LMLN: variants seen among roughly 807,000 people sequenced by gnomAD.
LMLN encodes leishmanolysin like peptidase.
LMLN carries 70 observed loss-of-function variants against 92.3 expected under a neutral mutation model. The observed-to-expected ratio is 0.76, with a 90% CI of 0.63 to 0.92. LMLN has a LOEUF of 0.92. LMLN is among the 40% of genes least tolerant of loss of function. LMLN has a pLI of 0.00. For synonymous variants in LMLN, 308 were observed against 296.2 expected (o/e 1.04, Z -0.41); for missense variants, 691 against 814.6 (o/e 0.85, Z 1.85).
intron 7 of LMLN, 35 bp downstream of exon 7, chr3:197,984,083 C>A: frequency 7.6e-7 from 1 of 1,314,474 alleles, no homozygotes; most frequent in Non-Finnish European, 1.1e-6. Flanking sequence ...TCCTTCATGC[C>A]TTGATTTTCT....
chr3:198,020,598 A>T (rs1053203671), intron 12 of LMLN, among the ~76,000 whole-genome samples: 3 of 151,492 alleles, frequency 2.0e-5, no homozygotes, highest in South Asian at 2.1e-4. Context: ...TTTTATTTTT[A>T]TTTATTTATT....
chr3:198,000,383 C>T (rs908487892), intron 11 of LMLN, among the ~76,000 whole-genome samples: 1 of 152,206 alleles, frequency 6.6e-6, no homozygotes, highest in Non-Finnish European at 1.5e-5. Flanking sequence ...ACACTACCTT[C>T]ACTGTTGAGA....
At chr3:198,034,062 A>G (rs1286368112) in intron 14 of LMLN, among the ~76,000 whole-genome samples, 2 of 152,222 alleles carry the variant, frequency 1.3e-5, no homozygotes, top group African/African-American at 2.4e-5. Context: ...AATCTTAGTA[A>G]TTTTGTGTCA....
intron 7 of LMLN, among the ~76,000 whole-genome samples, chr3:197,984,421 T>C (rs1292992091): frequency 6.6e-6 from 1 of 151,960 alleles, no homozygotes; most frequent in African/African-American, 2.4e-5. Context: ...AATTCTAAGA[T>C]TGAAAAATGA....
intron 11 of LMLN, among the ~76,000 whole-genome samples, chr3:198,012,210 G>A (rs546941872): frequency 2.0e-5 from 3 of 152,158 alleles, no homozygotes; most frequent in African/African-American, 4.8e-5. Flanking sequence ...GACTACAGGC[G>A]CCCACCACCA....
intron 8 of LMLN, 51 bp downstream of exon 8, chr3:197,985,941 A>C: frequency 5.4e-6 from 6 of 1,115,938 alleles, no homozygotes; most frequent in Non-Finnish European, 6.8e-6. Flanking sequence ...GGGTGCTAAG[A>C]CTAGAATCTG....
At chr3:197,972,663 A>G (rs1379176829) in intron 1 of LMLN, among the ~76,000 whole-genome samples, 3 of 151,046 alleles carry the variant, frequency 2.0e-5, no homozygotes, top group Non-Finnish European at 2.9e-5. Context: ...CATAGATAAT[A>G]TATTGTAAAG....
chr3:198,022,558 A>G (rs746540528), intron 13 of LMLN, among the ~76,000 whole-genome samples: 1 of 152,184 alleles, frequency 6.6e-6, no homozygotes, highest in Non-Finnish European at 1.5e-5. Context: ...TCATTCATCT[A>G]TTCAATAAAT....
chr3:198,007,302 T>C (rs1722321780), intron 11 of LMLN, among the ~76,000 whole-genome samples: 1 of 152,248 alleles, frequency 6.6e-6, no homozygotes, highest in Admixed American at 6.5e-5. Flanking sequence ...TCAAAAGTTT[T>C]GTAGTTTACA....
At chr3:198,043,162 G>A (rs946333206) in exon 16 of LMLN, 1 of 152,220 alleles carries the variant, frequency 6.6e-6, no homozygotes, top group Non-Finnish European at 1.5e-5. Flanking sequence ...CTTACTGACT[G>A]AGGCCATCTG....
At chr3:197,997,714 T>C (rs1722067122) in intron 10 of LMLN, among the ~76,000 whole-genome samples, 3 of 152,216 alleles carry the variant, frequency 2.0e-5, no homozygotes, top group Admixed American at 2.0e-4. Context: ...ACCAACGTGA[T>C]TCCTTGTTAT....
chr3:197,977,961 A>G (rs1721445599), intron 5 of LMLN, among the ~76,000 whole-genome samples: 1 of 152,154 alleles, frequency 6.6e-6, no homozygotes, highest in Non-Finnish European at 1.5e-5. Flanking sequence ...CTGGATACAT[A>G]TAAAAATTAT....
intron 9 of LMLN, among the ~76,000 whole-genome samples, chr3:197,992,877 A>G (rs1271092705): frequency 6.6e-6 from 1 of 152,160 alleles, no homozygotes; most frequent in African/African-American, 2.4e-5. Flanking sequence ...AAGTACAAAA[A>G]TTTTCCAACA....
chr3:197,997,845 A>G (rs1431089304), intron 10 of LMLN, among the ~76,000 whole-genome samples: 2 of 152,180 alleles, frequency 1.3e-5, no homozygotes, highest in Non-Finnish European at 1.5e-5. Flanking sequence ...TGAATGTAGC[A>G]TAACAGTTCT....
intron 1 of LMLN, among the ~76,000 whole-genome samples, chr3:197,961,696 A>G (rs1277357629): frequency 6.6e-6 from 1 of 152,206 alleles, no homozygotes; most frequent in Non-Finnish European, 1.5e-5. Flanking sequence ...GCCAGGAGCT[A>G]CAGTGTTCAC....
intron 8 of LMLN, among the ~76,000 whole-genome samples, chr3:197,986,958 G>C (rs1214823358): frequency 6.7e-6 from 1 of 149,192 alleles, no homozygotes; most frequent in African/African-American, 2.5e-5. Flanking sequence ...TCCTGCCTCA[G>C]CCTCCCTAGT....
Position 198,037,545 on chromosome 3 carries a change from GA to G in LMLN, c.1868-1021del, listed in dbSNP as rs537287345. ...TGCATCTGTAATCCCAGCTACTCAG[GA>G]GGCTGAGGCAGGAGAATCACTTGAA... On this transcript the variant is annotated intron_variant, in intron 15 of 15. Transcript: ENST00000330198. Among the ~76,000 whole-genome samples the G allele has an allele frequency of 4.6e-5, 7 of 152,294 alleles. No homozygotes were observed. In the East Asian group the frequency reaches 9.6e-4, roughly 21 times the overall value.
chr3:197,983,860 T>G (rs1721625852), intron 6 of LMLN, 83 bp from the exon 7 acceptor site: 3 of 895,232 alleles, frequency 3.4e-6, no homozygotes, highest in Admixed American at 4.0e-5. Flanking sequence ...TTTTCTGTCC[T>G]TGAGCAGTAT....
Position 197,990,550 on chromosome 3 carries a change from T to C in LMLN, c.930-9T>C. The C allele has an allele frequency of 8.3e-7, 1 of 1,200,438 alleles. No homozygotes were observed. The highest frequency in any genetic ancestry group is 1.2e-6 in the Non-Finnish European group (1 of 811,730). 74.4% of individuals were successfully genotyped at this position (1,200,438 alleles called of 1,614,324 possible). On this transcript the variant is annotated splice_polypyrimidine_tract_variant and intron_variant, in intron 8 of 15. Coordinates refer to ENST00000330198, the Ensembl canonical transcript of LMLN. ...CAGTAATAATTGTGTTTTAATTCTA[T>C]AATTACAGTCTGGGATTATATCAAT...
Sources: gnomAD v4.1 joint callset for allele counts (sites outside exome capture counted in the v4.1 genomes callset) on GRCh38, gnomAD v4.1.1 for gene constraint, MANE v1.5 for transcripts, NCBI Gene and HGNC (gene_info 2026-07-23, HGNC 2026-07-21) for gene names.